The following BRSK2 variants were observed in gnomAD, a reference collection of about 807,000 sequenced individuals.
BRSK2 encodes the protein BR serine/threonine kinase 2.
In BRSK2, 19 loss-of-function variants were observed where a neutral mutation model predicts 83.3. That is an observed-to-expected ratio of 0.23 (90% CI 0.16 to 0.33). The LOEUF (loss-of-function observed/expected upper bound fraction) is 0.33. BRSK2 is among the 10% of genes least tolerant of loss of function. The pLI, the probability that BRSK2 is intolerant of heterozygous loss-of-function variation, is 1.00. For synonymous variants in BRSK2, 519 were observed against 435.4 expected (o/e 1.19, Z -2.39); for missense variants, 798 against 1,042.3 (o/e 0.77, Z 3.23).
At chr11:1,449,952 C>T in intron 13 of BRSK2, 116 bp downstream of exon 13, 6 of 694,954 alleles carry the variant, frequency 8.6e-6, no homozygotes, top group Non-Finnish European at 1.5e-5. Flanking sequence ...CCCAGGCGCC[C>T]CCCATGCCCA....
At chr11:1,416,471 G>A (rs1848108317) in intron 1 of BRSK2, among the ~76,000 whole-genome samples, 1 of 152,162 alleles carries the variant, frequency 6.6e-6, no homozygotes, top group Non-Finnish European at 1.5e-5. Context: ...CTGTGGCCTG[G>A]GCTCACCTCC....
In BRSK2 at chr11:1,438,431, TG is replaced by T. The variant is rs896675899; in HGVS notation, c.272+42del. Reference sequence around the variant, plus strand: ...GTCTGAAGAGCTGGGGTGGCGGAGGTGGCAGCTGTCGCTGCAGGGGTGGGTG... The same window carrying T: ...GTCTGAAGAGCTGGGGTGGCGGAGGTGCAGCTGTCGCTGCAGGGGTGGGTG... On this transcript the variant is annotated intron_variant, in intron 3 of 19. Coordinates refer to ENST00000528841, the MANE Select transcript of BRSK2 (RefSeq NM_001256627.2). This position sits in a 1 kb window ranked among gnomAD's most constrained non-coding sequence, Gnocchi z 6.4. 1.3e-6 allele frequency: 2 copies of T among 1,581,560 alleles called. No homozygotes were observed. Among genetic ancestry groups the T allele is most frequent in the African/African-American group, 2.7e-5 (2 of 74,220 alleles).
chr11:1,442,994 TGGCACCACAGCCCTGGA>T, intron 5 of BRSK2, 95 bp from the exon 6 acceptor site: 1 of 1,253,456 alleles, frequency 8.0e-7, no homozygotes, highest in East Asian at 2.6e-5. Flanking sequence ...TGGGGGCGTC[TGGCACCACAGCCCTGGA>T]GGCCTCCTTG....
At chr11:1,459,440 G>C (rs1289605051) in intron 19 of BRSK2, 6 of 621,002 alleles carry the variant, frequency 9.7e-6, no homozygotes, top group Non-Finnish European at 1.4e-5. Flanking sequence ...GCCCAGGCGG[G>C]GTTCCTGGCC....
intron 1 of BRSK2, among the ~76,000 whole-genome samples, chr11:1,429,195 A>G (rs1316770228): frequency 7.3e-6 from 1 of 136,662 alleles, no homozygotes; most frequent in Non-Finnish European, 1.6e-5. Flanking sequence ...GCGCGTGTGC[A>G]TGGGTGTGTG....
In BRSK2 at chr11:1,438,260, T is replaced by C. The variant is rs1850608843; in HGVS notation, c.187-46T>C. 4 of 1,581,936 alleles carry C rather than the reference T, an allele frequency of 2.5e-6. No homozygotes were observed. The highest frequency in any genetic ancestry group is 2.2e-5 in the East Asian group (1 of 44,596). On this transcript the variant is annotated intron_variant, in intron 2 of 19. Coordinates refer to ENST00000528841, the MANE Select transcript of BRSK2 (RefSeq NM_001256627.2). The surrounding 1 kb of genome is among the most constrained non-coding windows in gnomAD (Gnocchi z 6.4). ...GGCAGTGTCTGTGGGGAGCGATGCG[T>C]GCCCCAGCCCTGTGAGCGTGATGTT...
Position 1,436,027 on chromosome 11 carries a change from T to C in BRSK2, c.92-13T>C. 4 of 1,599,056 alleles carry C rather than the reference T, an allele frequency of 2.5e-6. No individual in the cohort carries two copies. The highest frequency in any genetic ancestry group is 3.4e-6 in the Non-Finnish European group (4 of 1,172,828). On this transcript the variant is annotated splice_polypyrimidine_tract_variant and intron_variant, in intron 1 of 19. Coordinates refer to ENST00000528841, the MANE Select transcript of BRSK2 (RefSeq NM_001256627.2). ...CCTGGGTGGGTCTGAGCGCGGCTGCTTCTCTCCCGCAGGTCTGGTGAAGCT... is the reference window on the plus strand; with the variant it reads ...CCTGGGTGGGTCTGAGCGCGGCTGCCTCTCTCCCGCAGGTCTGGTGAAGCT...
intron 1 of BRSK2, among the ~76,000 whole-genome samples, chr11:1,404,224 C>G (rs1438709837): frequency 2.0e-5 from 3 of 152,202 alleles, no homozygotes; most frequent in Admixed American, 6.5e-5. Context: ...TGCCCGCAAT[C>G]TGGGTGCGCG....
intron 1 of BRSK2, among the ~76,000 whole-genome samples, chr11:1,405,256 G>A (rs999091028): frequency 9.2e-5 from 14 of 152,124 alleles, no homozygotes; most frequent in Admixed American, 2.0e-4. Flanking sequence ...CCCCACTTGG[G>A]ACAGGAGCTG....
Position 1,454,460 on chromosome 11 carries a change from A to G in BRSK2, c.1545-25A>G. 1 of 1,612,108 alleles carries G rather than the reference A, an allele frequency of 6.2e-7. No individual in the cohort carries two copies. The highest frequency in any genetic ancestry group is 8.5e-7 in the Non-Finnish European group (1 of 1,179,544). On this transcript the variant is annotated intron_variant, in intron 15 of 19. Coordinates refer to ENST00000528841, the MANE Select transcript of BRSK2 (RefSeq NM_001256627.2). The surrounding 1 kb of genome is among the most constrained non-coding windows in gnomAD (Gnocchi z 5.2). ...TGGACGGTGCCACACCTCAATCCTC[A>G]CAGCCTCTGTCTCCCACTGCCCAGG...
At chr11:1,444,242 G>A (rs934842058) in intron 8 of BRSK2, among the ~76,000 whole-genome samples, 2 of 152,172 alleles carry the variant, frequency 1.3e-5, no homozygotes, top group South Asian at 2.1e-4. Context: ...CCCAGCAGCT[G>A]TGGGGGCTAG....
intron 19 of BRSK2, 43 bp from the exon 20 acceptor site, chr11:1,460,457 T>C (rs1847303277): frequency 1.7e-6 from 2 of 1,162,054 alleles, no homozygotes; most frequent in Non-Finnish European, 2.2e-6. Context: ...TTTTTTCTTT[T>C]TTCCTTTTTT....
intron 18 of BRSK2, 89 bp from the exon 19 acceptor site, chr11:1,459,103 C>A (rs1020267091): frequency 1.5e-6 from 2 of 1,362,652 alleles, no homozygotes; most frequent in Non-Finnish European, 2.1e-6. Context: ...GCTCCACCCC[C>A]TCCCCATCGA....
chr11:1,458,309 C>T (rs180815316), intron 18 of BRSK2, among the ~76,000 whole-genome samples: 2 of 152,254 alleles, frequency 1.3e-5, no homozygotes, highest in Admixed American at 6.5e-5. Flanking sequence ...AACTCCAAGC[C>T]CCTCTCCATT....
chr11:1,411,558 G>C, intron 1 of BRSK2: 1 of 1,574,836 alleles, frequency 6.3e-7, no homozygotes, highest in South Asian at 1.1e-5. Flanking sequence ...CCACACTCCC[G>C]GCCCACAGCT....
intron 1 of BRSK2, among the ~76,000 whole-genome samples, chr11:1,427,124 C>T (rs1011123404): frequency 6.6e-6 from 1 of 152,134 alleles, no homozygotes; most frequent in Non-Finnish European, 1.5e-5. Flanking sequence ...AGCCCCCCAT[C>T]CCCTCTCTCC....
Position 1,452,845 on chromosome 11 carries a change from CTT to C in BRSK2, c.1544+1428_1544+1429del, listed in dbSNP as rs368466714. On this transcript the variant is annotated intron_variant, in intron 15 of 19. Transcript: ENST00000528841. ...AGCACGGATGCCTCCCACAGTCCCTCTTTGGCGACAACTCGCTTGCTGGGGAC... is the reference window on the plus strand; with the variant it reads ...AGCACGGATGCCTCCCACAGTCCCTCTGGCGACAACTCGCTTGCTGGGGAC... 3.3e-4 allele frequency among the ~76,000 whole-genome samples: 51 copies of C among 152,372 alleles called. No individual in the cohort carries two copies. In the South Asian group the frequency reaches 0.01, roughly 30 times the overall value.
chr11:1,436,873 A>G (rs1284306165), intron 2 of BRSK2, among the ~76,000 whole-genome samples: 6 of 152,036 alleles, frequency 3.9e-5, no homozygotes, highest in African/African-American at 1.4e-4. Context: ...GGGAGTGGCC[A>G]AGAGAGGGGA....
rs1024954924 is a variant in BRSK2, at chr11:1,460,956, C to T, written c.*233C>T. ...TGTCTCTGACAGCATCGCTTGTTTC[C>T]ACTCTGATACCAGGAATTATCCCGA... On this transcript the variant is annotated 3_prime_UTR_variant, in exon 20 of 20. Coordinates refer to ENST00000528841, the MANE Select transcript of BRSK2 (RefSeq NM_001256627.2). The T allele has an allele frequency of 1.2e-6, 2 of 1,612,468 alleles. No individual in the cohort carries two copies. The highest frequency in any genetic ancestry group is 1.7e-5 in the Admixed American group (1 of 59,998).
Sources: gnomAD v4.1 joint callset for allele counts (sites outside exome capture counted in the v4.1 genomes callset) on GRCh38, gnomAD v4.1.1 for gene constraint, Gnocchi (gnomAD v3.1) non-coding constraint, MANE v1.5 for transcripts, NCBI Gene and HGNC (gene_info 2026-07-23, HGNC 2026-07-21) for gene names.